The following EEF1AKMT2 variants were observed in gnomAD, a reference collection of about 807,000 sequenced individuals.
EEF1AKMT2 encodes EEF1A lysine methyltransferase 2, also known as eukaryotic translation elongation factor 1 alpha lysine methyltransferase 2.
Under a neutral mutation model 35.8 loss-of-function variants are expected in EEF1AKMT2, and 32 were observed. That is an observed-to-expected ratio of 0.89 (90% CI 0.67 to 1.20). The LOEUF is 1.20. Ranked by LOEUF, EEF1AKMT2 falls within the 50% of genes most tolerant of loss-of-function variation. The pLI is 0.00. For synonymous variants in EEF1AKMT2, 121 were observed against 133.7 expected (o/e 0.91, Z 0.65); for missense variants, 330 against 347.5 (o/e 0.95, Z 0.40).
chr10:124,778,899 T>C (rs891905310), intron 3 of EEF1AKMT2, among the ~76,000 whole-genome samples: 1 of 151,960 alleles, frequency 6.6e-6, no homozygotes, highest in African/African-American at 2.4e-5. Flanking sequence ...TAAAATGATA[T>C]AGCAAAAACA....
At chr10:124,777,935 T>C (rs983170641) in intron 3 of EEF1AKMT2, among the ~76,000 whole-genome samples, 4 of 152,292 alleles carry the variant, frequency 2.6e-5, no homozygotes, top group Admixed American at 6.5e-5. Context: ...TGTTATGTAG[T>C]GTATGACTAT....
intron 4 of EEF1AKMT2, among the ~76,000 whole-genome samples, chr10:124,766,953 A>G (rs1323541710): frequency 6.6e-6 from 1 of 151,648 alleles, no homozygotes; most frequent in Non-Finnish European, 1.5e-5. Flanking sequence ...CGAGGTCAGG[A>G]GATCAAGACC....
chr10:124,778,863 A>G (rs1950511561), intron 3 of EEF1AKMT2, among the ~76,000 whole-genome samples: 1 of 152,190 alleles, frequency 6.6e-6, no homozygotes, highest in Non-Finnish European at 1.5e-5. Context: ...TGGAAGCCAG[A>G]AGATAGTAAA....
chr10:124,776,642 G>A (rs1315241919), intron 3 of EEF1AKMT2, among the ~76,000 whole-genome samples: 3 of 151,474 alleles, frequency 2.0e-5, no homozygotes, highest in African/African-American at 7.3e-5. Context: ...ACAAAAATTA[G>A]CCAGGCTAAT....
intron 3 of EEF1AKMT2, among the ~76,000 whole-genome samples, chr10:124,783,627 C>T (rs1317745638): frequency 6.6e-6 from 1 of 152,030 alleles, no homozygotes; most frequent in Non-Finnish European, 1.5e-5. Context: ...CATATGTACA[C>T]ACAAAAACTT....
At chr10:124,763,046 T>C (rs970558836) in intron 5 of EEF1AKMT2, among the ~76,000 whole-genome samples, 1 of 152,234 alleles carries the variant, frequency 6.6e-6, no homozygotes, top group Non-Finnish European at 1.5e-5. Flanking sequence ...ATCTGTATGC[T>C]TATGTGTTGA....
intron 3 of EEF1AKMT2, among the ~76,000 whole-genome samples, chr10:124,783,625 C>T (rs1950561771): frequency 1.3e-5 from 2 of 152,066 alleles, no homozygotes; most frequent in South Asian, 2.1e-4. Context: ...AACATATGTA[C>T]ACACAAAAAC....
chr10:124,765,308 C>T (rs1950369059), intron 5 of EEF1AKMT2, 84 bp downstream of exon 5: 1 of 1,149,872 alleles, frequency 8.7e-7, no homozygotes, highest in African/African-American at 1.6e-5. Context: ...AAGTAAAACA[C>T]TATAACACAA....
At chr10:124,769,946 C>CAAAAAAAAA (rs71484588) in intron 4 of EEF1AKMT2, among the ~76,000 whole-genome samples, 1 of 60,216 alleles carries the variant, frequency 1.7e-5, no homozygotes, top group East Asian at 5.2e-4. Flanking sequence ...AACTCCATCT[C>CAAAAAAAAA]AAAAAAAAAA....
chr10:124,769,650 A>T (rs564380834), intron 4 of EEF1AKMT2, among the ~76,000 whole-genome samples: 1 of 152,278 alleles, frequency 6.6e-6, no homozygotes, highest in Non-Finnish European at 1.5e-5. Context: ...ATGTCTTTTT[A>T]AAAAATGGGT....
chr10:124,767,947 T>C (rs1950394101), intron 4 of EEF1AKMT2, among the ~76,000 whole-genome samples: 1 of 152,104 alleles, frequency 6.6e-6, no homozygotes, highest in South Asian at 2.1e-4. Context: ...GATCACGCCA[T>C]TGCACTCCAG....
intron 4 of EEF1AKMT2, among the ~76,000 whole-genome samples, chr10:124,766,599 T>C (rs1950380046): frequency 6.6e-6 from 1 of 152,228 alleles, no homozygotes; most frequent in Non-Finnish European, 1.5e-5. Context: ...ACACATTTAA[T>C]ACAGCAATTG....
rs559789582 is a variant in EEF1AKMT2 at position 124,791,292 on chromosome 10, C to A, written c.110+432G>T. Among the ~76,000 whole-genome samples the A allele has an allele frequency of 5.3e-5, 8 of 152,118 alleles. No homozygotes were observed. In the South Asian group the frequency reaches 1.7e-3, roughly 32 times the overall value. ...CTCCCGCCTCGGGTCATCCGCTATT[C>A]CCACCCCACTTCCAGCTCCCACATC... On this transcript the variant is annotated intron_variant, in intron 1 of 6. Transcript: ENST00000368836.
At chr10:124,787,433 CA>C (rs398015024) in intron 3 of EEF1AKMT2, among the ~76,000 whole-genome samples, 21 of 37,432 alleles carry the variant, frequency 5.6e-4, no homozygotes, top group East Asian at 2.0e-3. Context: ...GACTCTGTCT[CA>C]AAAAAAAAAA....
At chr10:124,791,015 G>A (rs1950629619) in intron 1 of EEF1AKMT2, among the ~76,000 whole-genome samples, 1 of 152,048 alleles carries the variant, frequency 6.6e-6, no homozygotes, top group South Asian at 2.1e-4. Flanking sequence ...CGCCCGCCTC[G>A]GCCTCCCAAA....
At chr10:124,791,572 TCCCCGTAAGC>T (rs1950634815) in intron 1 of EEF1AKMT2, 142 bp downstream of exon 1, 1 of 1,162,628 alleles carries the variant, frequency 8.6e-7, no homozygotes, top group African/African-American at 1.6e-5. Flanking sequence ...CTCTTTGAAA[TCCCCGTAAGC>T]CCCCCGCCAG....
At position 124,789,038 on chromosome 10, in the gene EEF1AKMT2, CCAA is replaced by C; in HGVS notation, c.291+2_291+4del. 6.2e-7 allele frequency: 1 copy of C among 1,602,452 alleles called. No homozygotes were observed. Among genetic ancestry groups the C allele is most frequent in the South Asian group, 1.1e-5 (1 of 89,326 alleles). On this transcript the variant is annotated splice_donor_variant and splice_donor_region_variant and intron_variant, in intron 3 of 6. Coordinates refer to ENST00000368836, the MANE Select transcript of EEF1AKMT2 (RefSeq NM_212554.4). LOFTEE classifies it high-confidence loss of function. ...CTTTAACAAACAAATACTAAAAGTA[CCAA>C]CAAGTTCAACCAGGAAAACACCATT...
intron 4 of EEF1AKMT2, among the ~76,000 whole-genome samples, chr10:124,768,692 G>A (rs527767184): frequency 6.6e-6 from 1 of 152,136 alleles, no homozygotes; most frequent in African/African-American, 2.4e-5. Context: ...CGAGGTTGCA[G>A]TGAGCCAGGA....
In EEF1AKMT2 at chr10:124,791,783, C is replaced by T; in HGVS notation, c.51G>A (p.Ser17=). 6.3e-7 allele frequency: 1 copy of T among 1,593,168 alleles called. No homozygotes were observed. Among genetic ancestry groups the T allele is most frequent in the Non-Finnish European group, 8.5e-7 (1 of 1,174,384 alleles). The change falls in exon 1 of 7, where the codon TCG becomes TCA. Residue 17 remains serine (S), a synonymous_variant. Transcript: ENST00000368836. The stretch of plus-strand genomic sequence containing the variant: ...CGTCCTCCCCGGGACTGCCCTTGTC[C>T]GACCGCGCCGCCACCGCAGCGCCAC... ...GGGGAAVAAR[S]DKGSPGEDGF... is the part of the protein sequence containing the mutation.
Sources: allele counts gnomAD v4.1 joint callset (sites outside exome capture counted in the v4.1 genomes callset), GRCh38; gene constraint gnomAD v4.1.1; transcripts MANE v1.5; gene names NCBI Gene and HGNC (gene_info 2026-07-23, HGNC 2026-07-21).